CFHR3: variants seen among roughly 807,000 people sequenced by gnomAD.
CFHR3 encodes the protein complement factor H related 3, also known as complement factor H-related protein 3.
In CFHR3, 22 loss-of-function variants were observed where a neutral mutation model predicts 36.0. That is an observed-to-expected ratio of 0.61 (90% CI 0.44 to 0.87). CFHR3 has a LOEUF of 0.87. Among genes scored for constraint, CFHR3 ranks in the 40% least tolerant of loss-of-function variants. The pLI is 0.00. For synonymous variants in CFHR3, 97 were observed against 137.4 expected (o/e 0.71, Z 2.06); for missense variants, 276 against 401.3 (o/e 0.69, Z 2.67).
intron 3 of CFHR3, among the ~76,000 whole-genome samples, chr1:196,785,643 T>G (rs1654167011): frequency 7.3e-6 from 1 of 137,650 alleles, no homozygotes; most frequent in African/African-American, 3.0e-5. Flanking sequence ...GAGCCTTGGC[T>G]TTCAGCTCCA....
intron 2 of CFHR3, 57 bp from the exon 3 acceptor site, chr1:196,779,740 T>C (rs1653868050): frequency 2.8e-6 from 4 of 1,437,022 alleles, no homozygotes; most frequent in Admixed American, 4.2e-5. Context: ...AATATACTTT[T>C]TGTGCAAATT....
In CFHR3 at chr1:196,793,744, T is replaced by C. The variant is rs187598523; in HGVS notation, c.*231T>C. On this transcript the variant is annotated 3_prime_UTR_variant, in exon 6 of 6. Coordinates refer to ENST00000367425, the MANE Select transcript of CFHR3 (RefSeq NM_021023.6). ...TAAAATAATAAAAACTACTCTTATA[T>C]TGGACTTCTTATCAATGAATTAGTA... 881 of 380,980 alleles carry C rather than the reference T, an allele frequency of 2.3e-3. 220 individuals are homozygous for C. The highest frequency in any genetic ancestry group is 0.022 in the African/African-American group (837 of 38,164). The allele number at this position is 380,980 out of a possible 1,614,324, so 23.6% of individuals were successfully genotyped here.
intron 3 of CFHR3, among the ~76,000 whole-genome samples, chr1:196,784,944 G>T (rs1341377311): frequency 7.3e-6 from 1 of 137,318 alleles, no homozygotes; most frequent in African/African-American, 3.0e-5. Flanking sequence ...GCTGGTACCA[G>T]TTGTTCCTTT....
intron 5 of CFHR3, 47 bp from the exon 6 acceptor site, chr1:196,793,270 C>A (rs774466562): frequency 2.1e-6 from 3 of 1,429,160 alleles, no homozygotes; most frequent in East Asian, 4.7e-5. Flanking sequence ...TTTATTTGCT[C>A]ATGAAAGAGA....
chr1:196,779,688 G>T, intron 2 of CFHR3, 109 bp from the exon 3 acceptor site: 1 of 1,314,188 alleles, frequency 7.6e-7, no homozygotes, highest in Non-Finnish European at 1.0e-6. Context: ...ATTATTTTTG[G>T]ATGTTTATGC....
At position 196,787,105 on chromosome 1, in the gene CFHR3, C is replaced by T. The variant is rs1419517341; in HGVS notation, c.431-1111C>T. Among the ~76,000 whole-genome samples, 8 of 136,962 alleles carry T rather than the reference C, an allele frequency of 5.8e-5. 2 individuals carry two copies. Among genetic ancestry groups the T allele is most frequent in the South Asian group, 2.5e-4 (1 of 3,984 alleles). 89.9% of individuals were successfully genotyped at this position (136,962 alleles called of 152,430 possible). On this transcript the variant is annotated intron_variant, in intron 3 of 5. Coordinates refer to ENST00000367425, the MANE Select transcript of CFHR3 (RefSeq NM_021023.6). ...TTACAAAACATTCCATTATAGAAAC[C>T]GCATAATAATTATGGAATAATTGAG...
rs1653766982 is a variant in CFHR3, at chr1:196,777,457, G to A, written c.59-1705G>A. 1.5e-5 allele frequency among the ~76,000 whole-genome samples: 2 copies of A among 135,664 alleles called. 1 individual carries two copies. Among genetic ancestry groups the A allele is most frequent in the Non-Finnish European group, 3.1e-5 (2 of 64,240 alleles). The allele number at this position is 135,664 out of a possible 152,430, so 89.0% of individuals were successfully genotyped here. ...AATTGCCATTGTACTTCTTTGGGAC[G>A]CTCAAATTTATTTCAAGTTTAACTA... On this transcript the variant is annotated intron_variant, in intron 1 of 5. Coordinates refer to ENST00000367425, the MANE Select transcript of CFHR3 (RefSeq NM_021023.6).
Position 196,778,269 on chromosome 1 carries a change from A to G in CFHR3, c.59-893A>G, listed in dbSNP as rs902823299. Among the ~76,000 whole-genome samples, 14 of 135,732 alleles carry G rather than the reference A, an allele frequency of 1.0e-4. 3 individuals carry two copies. Among genetic ancestry groups the G allele is most frequent in the African/African-American group, 4.3e-4 (14 of 32,278 alleles). 89.0% of individuals were successfully genotyped at this position (135,732 alleles called of 152,430 possible). ...AGCAAACACTTCCCACAAAGTAAAGATGTCACTTCTCTGAACTTAGTCTTC... is the reference window on the plus strand; with the variant it reads ...AGCAAACACTTCCCACAAAGTAAAGGTGTCACTTCTCTGAACTTAGTCTTC... On this transcript the variant is annotated intron_variant, in intron 1 of 5. Transcript: ENST00000367425.
In CFHR3 at chr1:196,795,303, A is replaced by C. The variant is rs1388050774; in HGVS notation, c.*1790A>C. 1 of 136,882 alleles carries C rather than the reference A, an allele frequency of 7.3e-6. No homozygotes were observed. The highest frequency in any genetic ancestry group is 1.5e-5 in the Non-Finnish European group (1 of 64,628). 8.5% of individuals were successfully genotyped at this position (136,882 alleles called of 1,614,324 possible). A position where few individuals can be genotyped will look rare whatever the true frequency, so the allele number is the denominator to read the frequency against. On this transcript the variant is annotated 3_prime_UTR_variant, in exon 6 of 6. Transcript: ENST00000367425. ...TGGACAAGTTCTCTTGCCTGCCACC[A>C]TGTAAGATGTACCTTTGCTACTCAT...
At chr1:196,789,043 A>G in intron 4 of CFHR3, 2 of 1,218,544 alleles carry the variant, frequency 1.6e-6, no homozygotes, top group Non-Finnish European at 2.1e-6. Context: ...TTAGTATGAT[A>G]AAGAGAATGC....
At chr1:196,790,493 G>A (rs1285895067) in intron 5 of CFHR3, among the ~76,000 whole-genome samples, 1 of 135,410 alleles carries the variant, frequency 7.4e-6, no homozygotes, top group East Asian at 2.0e-4. Context: ...TTGGAAGGCC[G>A]AGGCAGGCAG....
At chr1:196,778,942 A>T (rs1489026762) in intron 1 of CFHR3, among the ~76,000 whole-genome samples, 1 of 136,858 alleles carries the variant, frequency 7.3e-6, no homozygotes, top group Non-Finnish European at 1.5e-5. Flanking sequence ...GGATCCATTA[A>T]GGATTTTAAG....
At chr1:196,788,710 T>G in intron 4 of CFHR3, 1 of 1,455,034 alleles carries the variant, frequency 6.9e-7, no homozygotes, top group South Asian at 1.3e-5. Context: ...AAAAACTTTG[T>G]TGTCTTCCCT....
Position 196,795,358 on chromosome 1 carries a change from C to G in CFHR3, c.*1845C>G, listed in dbSNP as rs1654560283. ...CTTCTGTCATGATGGTGAGGCCTTC[C>G]CAGCAATGTGGAACTGTGAGTCCAT... On this transcript the variant is annotated 3_prime_UTR_variant, in exon 6 of 6. Transcript: ENST00000367425. The G allele has an allele frequency of 7.3e-6, 1 of 137,084 alleles. No individual in the cohort carries two copies. The highest frequency in any genetic ancestry group is 1.5e-5 in the Non-Finnish European group (1 of 64,686). The allele number at this position is 137,084 out of a possible 1,614,324, so 8.5% of individuals were successfully genotyped here.
intron 4 of CFHR3, chr1:196,789,273 G>T: frequency 6.3e-6 from 5 of 790,348 alleles, no homozygotes; most frequent in Non-Finnish European, 7.6e-6. Context: ...ATACAACATG[G>T]AAGACTCTCA....
rs1376062611 is a variant in CFHR3, at chr1:196,777,368, A to C, written c.59-1794A>C. Among the ~76,000 whole-genome samples, 3 of 137,108 alleles carry C rather than the reference A, an allele frequency of 2.2e-5. 1 individual carries two copies. The highest frequency in any genetic ancestry group is 4.6e-5 in the Non-Finnish European group (3 of 64,608). 89.9% of individuals were successfully genotyped at this position (137,108 alleles called of 152,430 possible). On this transcript the variant is annotated intron_variant, in intron 1 of 5. Coordinates refer to ENST00000367425, the MANE Select transcript of CFHR3 (RefSeq NM_021023.6). ...TGTCAAGGGTGACAATTAGTAATGT[A>C]GAGTAGGGTTGCCTCTAAATTCCTT...
At position 196,793,323 on chromosome 1, in the gene CFHR3, G is replaced by T. The variant is rs745503234; in HGVS notation, c.803G>T (p.Cys268Phe). Reference sequence around the variant, plus strand: ...TGTTTTTTTCTGCTTTCAGATCCATGTATAATAACTGAAGAAAACATGAAT... The same window carrying T: ...TGTTTTTTTCTGCTTTCAGATCCATTTATAATAACTGAAGAAAACATGAAT... ...WSEPPRCIHP[C>F]IITEENMNKN... The change falls in exon 6 of 6, where the codon TGT (cysteine) becomes TTT (phenylalanine). Residue 268 changes from cysteine (C) to phenylalanine (F), a missense_variant. Cys to Phe is a radical substitution (Grantham distance 205). This residue lies in a region of CFHR3 where 76 missense variants were observed against 79.8 expected (regional missense o/e 0.95). Coordinates refer to ENST00000367425, the MANE Select transcript of CFHR3 (RefSeq NM_021023.6). 4.8e-5 allele frequency: 73 copies of T among 1,509,440 alleles called. 15 individuals carry two copies. The South Asian group carries it at 7.2e-4, about 15-fold the overall frequency. The allele number at this position is 1,509,440 out of a possible 1,614,324, so 93.5% of individuals were successfully genotyped here.
chr1:196,775,055 T>C, intron 1 of CFHR3, 111 bp downstream of exon 1: 1 of 951,996 alleles, frequency 1.1e-6, no homozygotes, highest in East Asian at 2.5e-5. Flanking sequence ...ATTTATTCAC[T>C]ATGCTAGTAG....
chr1:196,784,463 C>G (rs566223412), intron 3 of CFHR3, among the ~76,000 whole-genome samples: 5 of 135,386 alleles, frequency 3.7e-5, no homozygotes, highest in African/African-American at 1.6e-4. Flanking sequence ...TCACTCCAGA[C>G]TTGCTTTATG....
Sources: gnomAD v4.1 joint callset for allele counts (sites outside exome capture counted in the v4.1 genomes callset) on GRCh38, gnomAD v4.1.1 for gene constraint, gnomAD v4.1.1 regional missense constraint, MANE v1.5 for transcripts, NCBI Gene and HGNC (gene_info 2026-07-23, HGNC 2026-07-21) for gene names.